Variants in TLE4 observed in about 807,000 individuals in gnomAD.
The protein encoded by TLE4 is TLE family member 4, transcriptional corepressor.
In TLE4, 8 loss-of-function variants were observed where a neutral mutation model predicts 92.8. That is an observed-to-expected ratio of 0.09 (90% CI 0.05 to 0.16). The LOEUF is 0.16. Ranked by LOEUF, TLE4 falls within the 10% of genes least tolerant of loss-of-function variation. TLE4 has a pLI of 1.00. For missense variants in TLE4, 675 were observed against 997.6 expected, an observed-to-expected ratio of 0.68 and a Z score of 4.36; for synonymous variants, 371 against 374.1, an observed-to-expected ratio of 0.99 and a Z score of 0.10.
intron 8 of TLE4, among the ~76,000 whole-genome samples, chr9:79,686,599 A>G (rs994924805): frequency 1.3e-5 from 2 of 152,206 alleles, no homozygotes; most frequent in Non-Finnish European, 2.9e-5. Flanking sequence ...ATGAGAAAGC[A>G]AAGAGGAAAG....
At chr9:79,679,993 A>G (rs1304412893) in intron 8 of TLE4, among the ~76,000 whole-genome samples, 2 of 151,758 alleles carry the variant, frequency 1.3e-5, no homozygotes, top group Non-Finnish European at 3.0e-5. Flanking sequence ...TTTTGGTACC[A>G]GTACCATGCT....
At chr9:79,579,171 G>C (rs2038902622) in intron 4 of TLE4, among the ~76,000 whole-genome samples, 1 of 152,198 alleles carries the variant, frequency 6.6e-6, no homozygotes, top group Non-Finnish European at 1.5e-5. Flanking sequence ...TTTTGTATGA[G>C]ACAGCTGACC....
chr9:79,696,390 C>T (rs963121329), intron 8 of TLE4, among the ~76,000 whole-genome samples: 4 of 152,014 alleles, frequency 2.6e-5, no homozygotes, highest in African/African-American at 7.2e-5. Context: ...ATCAGTTAAG[C>T]GATAATTGAA....
intron 6 of TLE4, among the ~76,000 whole-genome samples, chr9:79,645,429 G>A (rs911254075): frequency 1.3e-5 from 2 of 152,212 alleles, no homozygotes; most frequent in African/African-American, 4.8e-5. Context: ...GTCAGTGACT[G>A]CAGCTCTGTC....
In TLE4 at chr9:79,720,261, T is replaced by C; in HGVS notation, c.1806T>C (p.Ala602=). The C allele has an allele frequency of 6.2e-7, 1 of 1,613,992 alleles. No homozygotes were observed. The highest frequency in any genetic ancestry group is 1.1e-5 in the South Asian group (1 of 91,080). ...CFSCCSDGNI[A]VWDLHNQTLV... ...CATGCTGCAGCGACGGCAACATCGC[T>C]GTGTGGGATCTGCACAACCAGACCT... Residue 602 remains alanine (A), a synonymous_variant, in exon 16 of 20, where the codon GCT becomes GCC. Coordinates refer to ENST00000376552, the MANE Select transcript of TLE4 (RefSeq NM_007005.6).
At chr9:79,646,610 C>T (rs866000331) in intron 6 of TLE4, among the ~76,000 whole-genome samples, 2 of 152,070 alleles carry the variant, frequency 1.3e-5, no homozygotes, top group African/African-American at 4.8e-5. Context: ...TAACCCTTAT[C>T]AGTTATAAAA....
Position 79,580,580 on chromosome 9 carries a change from C to CT in TLE4, c.252+4412dup, listed in dbSNP as rs961453804. 4.2e-4 allele frequency among the ~76,000 whole-genome samples: 63 copies of CT among 151,260 alleles called. 2 individuals are homozygous for CT. Among genetic ancestry groups the CT allele is most frequent in the African/African-American group, 1.5e-3 (61 of 41,106 alleles). ...TTAGACCACATTTCCCTTATGATAA[C>CT]TTTTTTTTTCAACCTTGCCAGTTTT... is the stretch of plus-strand genomic sequence containing the variant. On this transcript the variant is annotated intron_variant, in intron 4 of 19. Coordinates refer to ENST00000376552, the MANE Select transcript of TLE4 (RefSeq NM_007005.6).
intron 6 of TLE4, among the ~76,000 whole-genome samples, chr9:79,639,438 C>T (rs1450031755): frequency 2.0e-5 from 3 of 152,070 alleles, no homozygotes; most frequent in African/African-American, 4.8e-5. Context: ...TTGTAGCTGT[C>T]GTAACACCAC....
At chr9:79,720,007 T>G in intron 15 of TLE4, 39 bp from the exon 16 acceptor site, 1 of 1,566,372 alleles carries the variant, frequency 6.4e-7, no homozygotes, top group African/African-American at 1.4e-5. Context: ...TGTTTTCCTT[T>G]CCTCATGAGT....
At chr9:79,627,556 T>C (rs1371036894) in intron 6 of TLE4, 108 bp downstream of exon 6, 1 of 1,107,500 alleles carries the variant, frequency 9.0e-7, no homozygotes, top group Non-Finnish European at 1.3e-6. Flanking sequence ...AATAGATGAC[T>C]ACAAAATGAA....
chr9:79,606,947 G>A (rs765415301), intron 4 of TLE4, among the ~76,000 whole-genome samples: 2 of 152,036 alleles, frequency 1.3e-5, no homozygotes, highest in Admixed American at 6.6e-5. Context: ...TTGAGGACTC[G>A]CCACACTGTC....
intron 8 of TLE4, among the ~76,000 whole-genome samples, chr9:79,655,331 T>TA (rs1284661319): frequency 3.4e-4 from 52 of 152,334 alleles, no homozygotes; most frequent in Admixed American, 1.6e-3. Context: ...TATAGGTAGT[T>TA]ATATCTTGCA....
At chr9:79,636,194 A>G (rs751243749) in intron 6 of TLE4, among the ~76,000 whole-genome samples, 1 of 152,022 alleles carries the variant, frequency 6.6e-6, no homozygotes, top group Admixed American at 6.6e-5. Flanking sequence ...TATATATGAG[A>G]CTATATATAG....
intron 8 of TLE4, among the ~76,000 whole-genome samples, chr9:79,672,034 G>A (rs1161481519): frequency 1.5e-5 from 2 of 135,588 alleles, no homozygotes; most frequent in Admixed American, 7.4e-5. Context: ...TGCAGAGGTG[G>A]TGGTGGGGGA....
At chr9:79,652,067 G>T (rs947786949) in intron 6 of TLE4, among the ~76,000 whole-genome samples, 1 of 149,312 alleles carries the variant, frequency 6.7e-6, no homozygotes, top group African/African-American at 2.4e-5. Context: ...TATATTGCAT[G>T]TGCAAAACCT....
chr9:79,665,748 C>G (rs1380370278), intron 8 of TLE4, among the ~76,000 whole-genome samples: 1 of 152,200 alleles, frequency 6.6e-6, no homozygotes, highest in African/African-American at 2.4e-5. Flanking sequence ...TTTTTTGGCA[C>G]TTGAATACCC....
chr9:79,601,274 T>C lies in TLE4; in HGVS notation c.253-11382T>C, dbSNP rs2045585706. The C allele has an allele frequency of 1.9e-5, 8 of 411,186 alleles. No homozygotes were observed. In the Admixed American group the frequency reaches 2.2e-4, roughly 11 times the overall value. The allele number at this position is 411,186 out of a possible 1,614,324, so 25.5% of individuals were successfully genotyped here. On this transcript the variant is annotated intron_variant, in intron 4 of 19. Coordinates refer to ENST00000376552, the MANE Select transcript of TLE4 (RefSeq NM_007005.6). ...ATGGTATCCTAAATGCCAGAAAAGA[T>C]GTGTGATGGGAAACTAAATAAACCA... is the stretch of plus-strand genomic sequence containing the variant.
chr9:79,662,552 T>A (rs1379008879), intron 8 of TLE4, among the ~76,000 whole-genome samples: 1 of 152,200 alleles, frequency 6.6e-6, no homozygotes, highest in Non-Finnish European at 1.5e-5. Flanking sequence ...TTGAGCCAAC[T>A]AAAGGAGGAA....
chr9:79,633,826 C>G (rs1209649849), intron 6 of TLE4, among the ~76,000 whole-genome samples: 1 of 152,114 alleles, frequency 6.6e-6, no homozygotes, highest in Non-Finnish European at 1.5e-5. Flanking sequence ...TTGTACCCCT[C>G]GAAGCTGAGA....
Sources: allele counts gnomAD v4.1 joint callset (sites outside exome capture counted in the v4.1 genomes callset), GRCh38; gene constraint gnomAD v4.1.1; transcripts MANE v1.5; gene names NCBI Gene and HGNC (gene_info 2026-07-23, HGNC 2026-07-21).